KIAA2012: variants seen among roughly 807,000 people sequenced by gnomAD.
KIAA2012 encodes uncharacterized protein KIAA2012.
Under a neutral mutation model 150.6 loss-of-function variants are expected in KIAA2012, and 125 were observed. The ratio of observed to expected loss-of-function variants is 0.83; its 90% CI spans 0.72 to 0.96. KIAA2012 has a LOEUF of 0.96. Among genes scored for constraint, KIAA2012 ranks in the 40% least tolerant of loss-of-function variants. The pLI is 0.00. For synonymous variants in KIAA2012, 462 were observed against 504.7 expected (o/e 0.92, Z 1.13); for missense variants, 1,219 against 1,354.9 (o/e 0.90, Z 1.57).
At chr2:202,150,058 T>G (rs775783378) in intron 13 of KIAA2012, among the ~76,000 whole-genome samples, 1 of 152,246 alleles carries the variant, frequency 6.6e-6, no homozygotes, top group African/African-American at 2.4e-5. Context: ...GTGTGATAGC[T>G]CAACTGAATC....
At chr2:202,202,631 T>TAATA in intron 23 of KIAA2012, 44 bp downstream of exon 23, 1 of 398,212 alleles carries the variant, frequency 2.5e-6, no homozygotes, top group Non-Finnish European at 4.4e-6. Context: ...TTCCCCTTTA[T>TAATA]AATAAAGTTC....
Position 202,075,051 on chromosome 2 carries a change from C to G in KIAA2012, c.245C>G (p.Ala82Gly). The G allele has an allele frequency of 6.4e-7, 1 of 1,550,602 alleles. No individual in the cohort carries two copies. The highest frequency in any genetic ancestry group is 1.2e-5 in the South Asian group (1 of 84,058). ...TACTCAGAAGGTTTTGCCATTTCGG[C>G]ATGGACACCCAAAGAGAGGAGAAAA... ...ILYSEGFAIS[A>G]WTPKERRKGP... is the part of the protein sequence containing the mutation. Residue 82 changes from alanine (A) to glycine (G), a missense_variant, in exon 2 of 24, where the codon GCA (alanine) becomes GGA (glycine). Transcript: ENST00000498697.
At chr2:202,174,176 G>C (rs1691949325) in intron 15 of KIAA2012, among the ~76,000 whole-genome samples, 1 of 152,132 alleles carries the variant, frequency 6.6e-6, no homozygotes, top group African/African-American at 2.4e-5. Context: ...TGTTAGTCAG[G>C]CTGGTCTCGA....
At chr2:202,075,564 G>A (rs1689307917) in intron 2 of KIAA2012, among the ~76,000 whole-genome samples, 1 of 152,154 alleles carries the variant, frequency 6.6e-6, no homozygotes, top group South Asian at 2.1e-4. Context: ...GATGTTCTTG[G>A]CTCTGTGGAA....
At position 202,100,309 on chromosome 2, in the gene KIAA2012, A is replaced by C; in HGVS notation, c.1015A>C (p.Lys339Gln). Residue 339 changes from lysine (K) to glutamine (Q), a missense_variant and splice_region_variant, in exon 7 of 24, where the codon AAA becomes CAA. By Grantham distance (53) the Lys-to-Gln change is moderately conservative. Transcript: ENST00000498697. ...FPNRKADLSD[K>Q]QRNVKLHKAR... ...TCATTCTCATCCTGTTTTTAAAGAT[A>C]AACAAAGGAACGTGAAACTCCACAA... 6.5e-7 allele frequency: 1 copy of C among 1,549,576 alleles called. No homozygotes were observed. The highest frequency in any genetic ancestry group is 1.2e-5 in the South Asian group (1 of 83,898).
At chr2:202,141,706 A>AT (rs1266423999) in intron 13 of KIAA2012, among the ~76,000 whole-genome samples, 4 of 152,000 alleles carry the variant, frequency 2.6e-5, no homozygotes. Flanking sequence ...AAGGCCCTTC[A>AT]TTTGATTAAG....
At chr2:202,119,484 A>G (rs1690607457) in intron 11 of KIAA2012, among the ~76,000 whole-genome samples, 1 of 152,192 alleles carries the variant, frequency 6.6e-6, no homozygotes, top group African/African-American at 2.4e-5. Flanking sequence ...GAGGGAACTT[A>G]GGCATCACCG....
intron 16 of KIAA2012, among the ~76,000 whole-genome samples, chr2:202,186,480 C>T (rs1231366386): frequency 6.6e-6 from 1 of 151,294 alleles, no homozygotes. Flanking sequence ...CCATTGCACT[C>T]CAGCCTGGGC....
chr2:202,143,544 T>C (rs1691241808), intron 13 of KIAA2012, among the ~76,000 whole-genome samples: 1 of 141,788 alleles, frequency 7.1e-6, no homozygotes, highest in African/African-American at 2.7e-5. Flanking sequence ...TTATTTGTTT[T>C]CCTGGGCTTT....
chr2:202,086,155 G>C lies in KIAA2012; in HGVS notation c.370-4615G>C, dbSNP rs190631507. 1.6e-4 allele frequency among the ~76,000 whole-genome samples: 15 copies of C among 92,248 alleles called. No individual in the cohort carries two copies. In the Admixed American group the frequency reaches 1.8e-3, roughly 11 times the overall value. 60.5% of individuals were successfully genotyped at this position (92,248 alleles called of 152,430 possible). On this transcript the variant is annotated intron_variant, in intron 2 of 23. Transcript: ENST00000498697. ...TGCACTCCAGCCTGGGTGAAAGACC[G>C]AAACTCTGTCTCAAAAAAAAAAAAA...
chr2:202,120,131 T>C (rs1011469480), intron 11 of KIAA2012, among the ~76,000 whole-genome samples: 2 of 152,202 alleles, frequency 1.3e-5, no homozygotes, highest in African/African-American at 4.8e-5. Context: ...CTTTTGTAAA[T>C]TGCCTAGTTC....
chr2:202,153,171 T>C (rs1463520725), intron 13 of KIAA2012, among the ~76,000 whole-genome samples: 2 of 152,184 alleles, frequency 1.3e-5, no homozygotes, highest in African/African-American at 4.8e-5. Context: ...ATCAAGTGTG[T>C]GTTCATTTCC....
At chr2:202,132,764 A>AGTATATATGTATATATGTATATATG (rs1690976854) in intron 12 of KIAA2012, among the ~76,000 whole-genome samples, 1 of 110,814 alleles carries the variant, frequency 9.0e-6, no homozygotes, top group Non-Finnish European at 1.8e-5. Context: ...ATGTATATAT[A>AGTATATATGTATATATGTATATATG]TACATATATA....
At position 202,190,172 on chromosome 2, in the gene KIAA2012, A is replaced by AG; in HGVS notation, c.2492dup. On this transcript the variant is annotated splice_acceptor_variant, in intron 18 of 23. Coordinates refer to ENST00000498697, the MANE Select transcript of KIAA2012 (RefSeq NM_001277372.4). LOFTEE classifies it high-confidence loss of function. Reference sequence around the variant, plus strand: ...TCTCTATCCCCAATTGTTCTCCCCCAGGAAAGTCAAAGGACTCAAAGGCTA... The same window carrying AG: ...TCTCTATCCCCAATTGTTCTCCCCCAGGGAAAGTCAAAGGACTCAAAGGCTA... 6.6e-7 allele frequency: 1 copy of AG among 1,514,102 alleles called. No homozygotes were observed. Among genetic ancestry groups the AG allele is most frequent in the Non-Finnish European group, 8.8e-7 (1 of 1,136,712 alleles). 93.8% of individuals were successfully genotyped at this position (1,514,102 alleles called of 1,614,324 possible).
chr2:202,197,918 A>G (rs1692442845), intron 22 of KIAA2012: 1 of 150,880 alleles, frequency 6.6e-6, no homozygotes, highest in East Asian at 2.0e-4. Flanking sequence ...TCATGCCTGT[A>G]ATCCTAGCAC....
chr2:202,135,195 G>A (rs1477372560), intron 12 of KIAA2012, among the ~76,000 whole-genome samples: 1 of 152,202 alleles, frequency 6.6e-6, no homozygotes, highest in Non-Finnish European at 1.5e-5. Flanking sequence ...GAAGGAATGT[G>A]TTTTCTGTTT....
At chr2:202,150,963 A>C (rs1691414960) in intron 13 of KIAA2012, among the ~76,000 whole-genome samples, 1 of 152,196 alleles carries the variant, frequency 6.6e-6, no homozygotes, top group South Asian at 2.1e-4. Flanking sequence ...TGCAAGTGTC[A>C]GTTTTGATTG....
rs1032277978 is a variant in KIAA2012, at chr2:202,187,091, T to A, written c.2369T>A (p.Ile790Asn). 3 of 1,550,484 alleles carry A rather than the reference T, an allele frequency of 1.9e-6. No homozygotes were observed. The highest frequency in any genetic ancestry group is 1.7e-6 in the Non-Finnish European group (2 of 1,146,950). The change falls in exon 17 of 24, where the codon ATC becomes AAC. Residue 790 changes from isoleucine to asparagine, a missense_variant. Transcript: ENST00000498697. ...TTTAGCCAGGAGACATCAGCCAACA[T>A]CAGTCATGTGAGTGTAAACCCCTAA... The part of the protein sequence containing the change: ...RLFSQETSAN[I>N]SHERDLINEA...
chr2:202,100,259 C>G, intron 6 of KIAA2012, 48 bp from the exon 7 acceptor site: 3 of 1,523,088 alleles, frequency 2.0e-6, no homozygotes, highest in Non-Finnish European at 2.7e-6. Context: ...AACTGTTCAT[C>G]CCCCTACCTG....
Sources: gnomAD v4.1 joint callset for allele counts (sites outside exome capture counted in the v4.1 genomes callset) on GRCh38, gnomAD v4.1.1 for gene constraint, MANE v1.5 for transcripts, NCBI Gene and HGNC (gene_info 2026-07-23, HGNC 2026-07-21) for gene names.